Variants in TBPL2 observed in about 807,000 individuals in gnomAD.
TBPL2 encodes TATA-box binding protein like 2, also known as TATA box-binding protein-like 2.
TBPL2 carries 40 observed loss-of-function variants against 38.2 expected under a neutral mutation model. The observed-to-expected ratio is 1.05, with a 90% CI of 0.81 to 1.36. The LOEUF is 1.36. TBPL2 is among the 40% of genes most tolerant of loss of function. The pLI is 0.00. For synonymous variants in TBPL2, 169 were observed against 171.7 expected (o/e 0.98, Z 0.12); for missense variants, 461 against 456.7 (o/e 1.01, Z -0.09).
intron 6 of TBPL2, among the ~76,000 whole-genome samples, chr14:55,415,346 A>T (rs1885652454): frequency 6.6e-6 from 1 of 152,224 alleles, no homozygotes; most frequent in Non-Finnish European, 1.5e-5. Context: ...AAGAACTATA[A>T]AGTACATTGC....
chr14:55,414,380 C>T (rs1885638037), exon 7 of TBPL2: 3 of 1,600,460 alleles, frequency 1.9e-6, no homozygotes, highest in Non-Finnish European at 2.6e-6. Flanking sequence ...ATGATATGCT[C>T]AGGCTTTTTT....
exon 7 of TBPL2, chr14:55,414,357 T>C (rs776189538): frequency 1.3e-6 from 2 of 1,555,478 alleles, no homozygotes; most frequent in Non-Finnish European, 1.8e-6. Context: ...ACCAGAATAA[T>C]GTGAGATGCT....
intron 6 of TBPL2, among the ~76,000 whole-genome samples, chr14:55,420,001 G>C (rs1489035517): frequency 6.6e-6 from 1 of 152,182 alleles, no homozygotes; most frequent in Non-Finnish European, 1.5e-5. Flanking sequence ...TTAGGGAGGA[G>C]CCTGAAAGGA....
intron 3 of TBPL2, among the ~76,000 whole-genome samples, chr14:55,435,278 A>T (rs1025062591): frequency 2.1e-5 from 3 of 143,938 alleles, no homozygotes; most frequent in African/African-American, 5.1e-5. Flanking sequence ...GTCAGGTGAA[A>T]TTTTTTTTTT....
At chr14:55,415,137 T>A (rs910405524) in intron 6 of TBPL2, among the ~76,000 whole-genome samples, 1 of 152,214 alleles carries the variant, frequency 6.6e-6, no homozygotes, top group East Asian at 1.9e-4. Context: ...TTCCAAATTA[T>A]GCAGGCACGT....
rs78355556 is a variant in TBPL2, at chr14:55,424,073, T to C, written c.1051+86A>G. On this transcript the variant is annotated intron_variant, in intron 6 of 6. Transcript: ENST00000247219. ...CTGTATAACAAGAATTACTTTACCA[T>C]GGTGAACAAAGGTATTTAAAAGAAT... 2.2e-3 allele frequency: 1,980 copies of C among 908,196 alleles called. 22 individuals carry two copies. The African/African-American group carries it at 0.029, about 13-fold the overall frequency. The allele number at this position is 908,196 out of a possible 1,614,324, so 56.3% of individuals were successfully genotyped here.
intron 4 of TBPL2, among the ~76,000 whole-genome samples, chr14:55,431,630 A>G (rs1885927352): frequency 6.6e-6 from 1 of 152,250 alleles, no homozygotes; most frequent in Admixed American, 6.5e-5. Context: ...CATAAGAGAA[A>G]GTCCAGCAAT....
intron 6 of TBPL2, among the ~76,000 whole-genome samples, chr14:55,416,184 C>T (rs1248974210): frequency 6.6e-6 from 1 of 152,168 alleles, no homozygotes; most frequent in Non-Finnish European, 1.5e-5. Flanking sequence ...ATTCACAATA[C>T]ACAACCAGCT....
chr14:55,416,504 T>C (rs190911875), intron 6 of TBPL2, among the ~76,000 whole-genome samples: 12 of 152,346 alleles, frequency 7.9e-5, no homozygotes, highest in African/African-American at 2.4e-4. Context: ...AAAAGTTTAC[T>C]ATCTGTAGGT....
exon 7 of TBPL2, chr14:55,414,399 T>G (rs1314448903): frequency 6.2e-7 from 1 of 1,606,228 alleles, no homozygotes; most frequent in Non-Finnish European, 8.5e-7. Context: ...TTAAAACCTT[T>G]TAGAATAGGA....
At chr14:55,440,525 C>T in exon 1 of TBPL2, 9 of 1,608,006 alleles carry the variant, frequency 5.6e-6, no homozygotes, top group African/African-American at 1.3e-5. Context: ...GAACCCGCTC[C>T]GGCCAGGGCG....
chr14:55,415,315 C>T (rs762301421), intron 6 of TBPL2, among the ~76,000 whole-genome samples: 3 of 152,144 alleles, frequency 2.0e-5, no homozygotes, highest in Non-Finnish European at 4.4e-5. Flanking sequence ...TGGAAAATAG[C>T]TTTAGTTGAT....
At chr14:55,427,876 A>G (rs1400527200) in intron 5 of TBPL2, among the ~76,000 whole-genome samples, 2 of 142,346 alleles carry the variant, frequency 1.4e-5, no homozygotes, top group Admixed American at 1.4e-4. Context: ...ACTAGTTAGG[A>G]TTGCTTTTTT....
chr14:55,435,086 A>G (rs1314654412), intron 3 of TBPL2, among the ~76,000 whole-genome samples: 1 of 152,218 alleles, frequency 6.6e-6, no homozygotes, highest in East Asian at 1.9e-4. Context: ...GACGAAAAAA[A>G]AAATCCCTGA....
intron 6 of TBPL2, among the ~76,000 whole-genome samples, chr14:55,422,004 A>G (rs1885752731): frequency 1.3e-5 from 2 of 152,212 alleles, no homozygotes; most frequent in South Asian, 4.1e-4. Flanking sequence ...TATAAAAATT[A>G]AAGTAATGAG....
intron 1 of TBPL2, among the ~76,000 whole-genome samples, chr14:55,439,087 G>A (rs1886062823): frequency 6.6e-6 from 1 of 151,624 alleles, no homozygotes; most frequent in African/African-American, 2.4e-5. Context: ...ACAGGCTCCT[G>A]CCACCACGCC....
intron 3 of TBPL2, among the ~76,000 whole-genome samples, 165 bp from the exon 4 acceptor site, chr14:55,433,886 A>G (rs1015987390): frequency 1.3e-5 from 2 of 152,242 alleles, no homozygotes; most frequent in African/African-American, 4.8e-5. Context: ...TGATGATTCT[A>G]AAATGTACTT....
At chr14:55,428,748 C>G (rs2140173090) in intron 5 of TBPL2, 59 bp downstream of exon 5, 1 of 1,529,898 alleles carries the variant, frequency 6.5e-7, no homozygotes, top group East Asian at 2.3e-5. Context: ...CGTAAGCAAC[C>G]CATAATGTAA....
intron 5 of TBPL2, 60 bp downstream of exon 5, chr14:55,428,747 C>T (rs1206604052): frequency 6.6e-7 from 1 of 1,522,070 alleles, no homozygotes; most frequent in Admixed American, 2.0e-5. Context: ...ACGTAAGCAA[C>T]CCATAATGTA....
Sources: allele counts gnomAD v4.1 joint callset (sites outside exome capture counted in the v4.1 genomes callset), GRCh38; gene constraint gnomAD v4.1.1; transcripts MANE v1.5; gene names NCBI Gene and HGNC (gene_info 2026-07-23, HGNC 2026-07-21).